LRRC8D: variants seen among roughly 807,000 people sequenced by gnomAD.
LRRC8D encodes leucine rich repeat containing 8 VRAC subunit D.
In LRRC8D, 20 loss-of-function variants were observed where a neutral mutation model predicts 55.8. The observed-to-expected ratio is 0.36, with a 90% CI of 0.25 to 0.52. LRRC8D has a LOEUF of 0.52. Among genes scored for constraint, LRRC8D ranks in the 20% least tolerant of loss-of-function variants. The probability of loss-of-function intolerance (pLI) is 0.93; values close to 1 mark genes in which losing one functional copy is unlikely to be tolerated. For missense variants in LRRC8D, 651 were observed against 1,030.8 expected, an observed-to-expected ratio of 0.63 and a Z score of 5.05; for synonymous variants, 352 against 377.0, an observed-to-expected ratio of 0.93 and a Z score of 0.77.
intron 1 of LRRC8D, among the ~76,000 whole-genome samples, chr1:89,832,341 C>A (rs1272005283): frequency 2.0e-5 from 3 of 152,072 alleles, no homozygotes; most frequent in Non-Finnish European, 2.9e-5. Context: ...GTACCTTGTT[C>A]CTGGAATTTC....
Position 89,934,489 on chromosome 1 carries a change from T to C in LRRC8D, c.1421T>C (p.Leu474Ser), listed in dbSNP as rs1557491609. The C allele has an allele frequency of 6.2e-7, 1 of 1,614,216 alleles. No homozygotes were observed. Among genetic ancestry groups the C allele is most frequent in the Admixed American group, 1.7e-5 (1 of 60,028 alleles). The stretch of plus-strand genomic sequence containing the variant: ...CGCAACGCCCAGGACAAGCAGGAGT[T>C]GCATCTGTTCATGCTGTCGGGGGTG... ...ISRNAQDKQE[L>S]HLFMLSGVPD... Residue 474 changes from leucine to serine, a missense_variant, in exon 3 of 3, where the codon TTG (leucine) becomes TCG (serine). Coordinates refer to ENST00000337338, the MANE Select transcript of LRRC8D (RefSeq NM_001134479.2). This position sits in a 1 kb window ranked among gnomAD's most constrained non-coding sequence, Gnocchi z 5.9.
chr1:89,827,282 G>A (rs1400327420), intron 1 of LRRC8D, among the ~76,000 whole-genome samples: 6 of 151,044 alleles, frequency 4.0e-5, no homozygotes, highest in Non-Finnish European at 5.9e-5. Flanking sequence ...CTCAAGAGGC[G>A]GAGTTTGCAG....
chr1:89,870,475 CAAA>C (rs994792559), intron 2 of LRRC8D, among the ~76,000 whole-genome samples: 1 of 141,978 alleles, frequency 7.0e-6, no homozygotes, highest in Non-Finnish European at 1.5e-5. Flanking sequence ...GACCCTGTAT[CAAA>C]AAAAAAAAGA....
intron 2 of LRRC8D, among the ~76,000 whole-genome samples, chr1:89,885,040 G>A (rs1383391528): frequency 6.6e-6 from 1 of 152,028 alleles, no homozygotes; most frequent in Non-Finnish European, 1.5e-5. Flanking sequence ...CCACACCACA[G>A]ATCTCATATA....
At chr1:89,863,696 A>G (rs1661776175) in intron 2 of LRRC8D, among the ~76,000 whole-genome samples, 1 of 152,128 alleles carries the variant, frequency 6.6e-6, no homozygotes, top group Admixed American at 6.5e-5. Flanking sequence ...CTTTGGTGTG[A>G]AGAAAGAAGA....
chr1:89,877,682 G>C (rs1308754295), intron 2 of LRRC8D, among the ~76,000 whole-genome samples: 1 of 152,088 alleles, frequency 6.6e-6, no homozygotes, highest in Non-Finnish European at 1.5e-5. Flanking sequence ...CTCCTTCCAC[G>C]CAGGTTTGTT....
At chr1:89,923,187 A>C (rs1337079670) in intron 2 of LRRC8D, among the ~76,000 whole-genome samples, 1 of 152,228 alleles carries the variant, frequency 6.6e-6, no homozygotes, top group Non-Finnish European at 1.5e-5. Flanking sequence ...GCTGATTTTC[A>C]TGTGTGCCAT....
intron 2 of LRRC8D, among the ~76,000 whole-genome samples, chr1:89,931,209 A>C (rs1481419007): frequency 6.6e-6 from 1 of 150,594 alleles, no homozygotes; most frequent in Non-Finnish European, 1.5e-5. Context: ...TTTATTAAAA[A>C]ATATTATGAA....
At chr1:89,893,556 G>A (rs555201783) in intron 2 of LRRC8D, among the ~76,000 whole-genome samples, 1 of 152,298 alleles carries the variant, frequency 6.6e-6, no homozygotes, top group East Asian at 1.9e-4. Context: ...GCATTTTCAA[G>A]ATTGATAAGA....
intron 2 of LRRC8D, among the ~76,000 whole-genome samples, chr1:89,891,079 A>G (rs1023964786): frequency 2.6e-5 from 4 of 152,094 alleles, no homozygotes; most frequent in Admixed American, 6.5e-5. Context: ...ACGGGGTTTC[A>G]CCGTGTTAGC....
rs555470539 is a variant in LRRC8D at position 89,936,382 on chromosome 1, T to C, written c.*737T>C. The stretch of plus-strand genomic sequence containing the variant: ...ACATTTTTCTACCAGTAATATAGGG[T>C]TGCCAATAAATAGAAAATGTTTTCT... On this transcript the variant is annotated 3_prime_UTR_variant, in exon 3 of 3. Transcript: ENST00000337338. 1.2e-5 allele frequency: 2 copies of C among 166,602 alleles called. No homozygotes were observed. Among genetic ancestry groups the C allele is most frequent in the South Asian group, 2.1e-4 (1 of 4,820 alleles). 10.3% of individuals were successfully genotyped at this position (166,602 alleles called of 1,614,324 possible).
At chr1:89,824,611 A>C (rs749388883) in intron 1 of LRRC8D, among the ~76,000 whole-genome samples, 1 of 151,782 alleles carries the variant, frequency 6.6e-6, no homozygotes, top group Admixed American at 6.6e-5. Context: ...TTTTTTTCCA[A>C]TGATTTTCTT....
intron 2 of LRRC8D, among the ~76,000 whole-genome samples, chr1:89,871,443 A>G (rs1226942535): frequency 1.3e-5 from 2 of 152,210 alleles, no homozygotes; most frequent in African/African-American, 2.4e-5. Context: ...TATTTAGCAG[A>G]TACCCCCTTC....
chr1:89,931,286 G>C (rs980068478), intron 2 of LRRC8D, among the ~76,000 whole-genome samples: 27 of 149,064 alleles, frequency 1.8e-4, no homozygotes, highest in African/African-American at 5.6e-4. Context: ...AAAAGACCTG[G>C]TCCCTGCCTT....
chr1:89,889,379 G>T (rs546857537), intron 2 of LRRC8D, among the ~76,000 whole-genome samples: 61 of 152,182 alleles, frequency 4.0e-4, no homozygotes, highest in African/African-American at 1.4e-3. Context: ...TATCCTGGAT[G>T]GGATCCTGGA....
intron 1 of LRRC8D, among the ~76,000 whole-genome samples, chr1:89,829,031 C>T (rs945458507): frequency 6.6e-6 from 1 of 152,146 alleles, no homozygotes; most frequent in African/African-American, 2.4e-5. Flanking sequence ...GTATTAGATG[C>T]CGTCAGTCAA....
At chr1:89,829,953 A>C (rs1278852258) in intron 1 of LRRC8D, among the ~76,000 whole-genome samples, 1 of 152,232 alleles carries the variant, frequency 6.6e-6, no homozygotes, top group Non-Finnish European at 1.5e-5. Context: ...GTACATAAAC[A>C]AATCATGTAA....
At chr1:89,838,551 A>G (rs1302839860) in intron 1 of LRRC8D, among the ~76,000 whole-genome samples, 2 of 152,244 alleles carry the variant, frequency 1.3e-5, no homozygotes, top group Non-Finnish European at 2.9e-5. Flanking sequence ...TCATTAAATA[A>G]TCCAAGGCTA....
intron 2 of LRRC8D, among the ~76,000 whole-genome samples, chr1:89,894,426 T>A (rs1359577779): frequency 6.6e-6 from 1 of 152,156 alleles, no homozygotes; most frequent in African/African-American, 2.4e-5. Flanking sequence ...ATAACTGGAA[T>A]GTATAGTAGA....
Sources: allele counts gnomAD v4.1 joint callset (sites outside exome capture counted in the v4.1 genomes callset), GRCh38; gene constraint gnomAD v4.1.1; non-coding constraint Gnocchi (gnomAD v3.1); transcripts MANE v1.5; gene names NCBI Gene and HGNC (gene_info 2026-07-23, HGNC 2026-07-21).